Variants in ACYP2 observed in about 807,000 individuals in gnomAD.
The protein encoded by ACYP2 is acylphosphatase-2.
A neutral mutation model predicts 11.2 loss-of-function variants in ACYP2; 12 were observed. That is an observed-to-expected ratio of 1.08 (90% CI 0.69 to 1.74). ACYP2 has a LOEUF of 1.74. Among genes scored for constraint, ACYP2 ranks in the 40% most tolerant of loss-of-function variants. The probability of loss-of-function intolerance (pLI) is 0.00; values close to 1 mark genes in which losing one functional copy is unlikely to be tolerated. For missense variants in ACYP2, 134 were observed against 101.9 expected (o/e 1.31, Z -1.35); for synonymous variants, 43 against 32.2 (o/e 1.33, Z -1.13).
At chr2:54,180,823 G>C (rs1025343551) in intron 6 of ACYP2, among the ~76,000 whole-genome samples, 5 of 152,114 alleles carry the variant, frequency 3.3e-5, no homozygotes, top group African/African-American at 9.7e-5. Flanking sequence ...CGAAAATTCT[G>C]AGATTTCAGG....
intron 4 of ACYP2, among the ~76,000 whole-genome samples, chr2:54,123,652 A>G (rs1439675358): frequency 6.6e-6 from 1 of 151,852 alleles, no homozygotes; most frequent in Non-Finnish European, 1.5e-5. Context: ...ATCCCCTGGC[A>G]TGTTAAAGTG....
intron 4 of ACYP2, among the ~76,000 whole-genome samples, chr2:54,103,395 G>A (rs1679002626): frequency 6.6e-6 from 1 of 152,108 alleles, no homozygotes; most frequent in Non-Finnish European, 1.5e-5. Context: ...TGCTTTTAAG[G>A]TGTTCCTAAC....
At chr2:54,186,271 A>G (rs1374038072) in intron 6 of ACYP2, among the ~76,000 whole-genome samples, 1 of 152,206 alleles carries the variant, frequency 6.6e-6, no homozygotes, top group Non-Finnish European at 1.5e-5. Context: ...CAAGAGGAGA[A>G]AAAAAGAATA....
At chr2:54,101,802 G>A (rs900794666) in intron 4 of ACYP2, among the ~76,000 whole-genome samples, 2 of 152,044 alleles carry the variant, frequency 1.3e-5, no homozygotes, top group Middle Eastern at 3.4e-3. Context: ...TTAGCTTAAC[G>A]GAAAAATGAA....
chr2:54,054,890 ATAAAT>A (rs1299371339), intron 3 of ACYP2, among the ~76,000 whole-genome samples: 1 of 152,264 alleles, frequency 6.6e-6, no homozygotes, highest in African/African-American at 2.4e-5. Context: ...GCCAGGCTAA[ATAAAT>A]TAGGGAGATT....
chr2:54,266,725 C>T (rs1404008701), intron 6 of ACYP2, among the ~76,000 whole-genome samples: 3 of 149,940 alleles, frequency 2.0e-5, no homozygotes, highest in African/African-American at 7.4e-5. Context: ...CCTGCCTCAG[C>T]CTCCCAAGTA....
At chr2:54,271,869 A>G (rs1233461282) in intron 6 of ACYP2, among the ~76,000 whole-genome samples, 1 of 152,122 alleles carries the variant, frequency 6.6e-6, no homozygotes, top group Admixed American at 6.6e-5. Flanking sequence ...ATAGGCTAAT[A>G]AGCAAATTTC....
intron 2 of ACYP2, among the ~76,000 whole-genome samples, chr2:53,994,615 C>T (rs1672479252): frequency 6.6e-6 from 1 of 151,714 alleles, no homozygotes; most frequent in South Asian, 2.1e-4. Context: ...AATGCTTCAA[C>T]CTCTACCAAG....
rs549187908 is a variant in ACYP2 at position 54,193,861 on chromosome 2, G to A, written c.404+55113G>A. Among the ~76,000 whole-genome samples the A allele has an allele frequency of 3.3e-5, 5 of 151,944 alleles. No individual in the cohort carries two copies. The South Asian group carries it at 6.2e-4, about 19-fold the overall frequency. ...AGAAAGTAATTGGCATAATGAGTTG[G>A]GAAAAAATAGAAACACTCTCATTTA... On this transcript the variant is annotated intron_variant, in intron 6 of 6. Coordinates refer to ENST00000607452, the MANE Select transcript of ACYP2 (RefSeq NM_001320586.2).
intron 6 of ACYP2, among the ~76,000 whole-genome samples, chr2:54,172,466 T>C (rs924921804): frequency 6.6e-6 from 1 of 152,216 alleles, no homozygotes; most frequent in African/African-American, 2.4e-5. Context: ...ATGTCAATCA[T>C]GTTGACCAAT....
rs1671292396 is a variant in ACYP2, at chr2:53,973,704, C to G, written c.-36-9C>G. On this transcript the variant is annotated splice_polypyrimidine_tract_variant and intron_variant, in intron 1 of 6. Coordinates refer to ENST00000607452, the MANE Select transcript of ACYP2 (RefSeq NM_001320586.2). ...TAATCCCAACACCCTTTGCTGACTC[C>G]TTTTTCAGACTCAGCCTGCCTGCAC... is the stretch of plus-strand genomic sequence containing the variant. 3.5e-6 allele frequency: 1 copy of G among 283,952 alleles called. No homozygotes were observed. Among genetic ancestry groups the G allele is most frequent in the African/African-American group, 2.2e-5 (1 of 45,040 alleles). The allele number at this position is 283,952 out of a possible 1,614,324, so 17.6% of individuals were successfully genotyped here.
intron 2 of ACYP2, among the ~76,000 whole-genome samples, chr2:54,009,589 TAATA>T (rs1673255493): frequency 6.6e-6 from 1 of 151,842 alleles, no homozygotes; most frequent in Non-Finnish European, 1.5e-5. Flanking sequence ...ATAATAATAA[TAATA>T]AATTCCTGAG....
At chr2:54,010,755 T>C (rs932362280) in intron 2 of ACYP2, among the ~76,000 whole-genome samples, 3 of 137,682 alleles carry the variant, frequency 2.2e-5, no homozygotes, top group African/African-American at 7.9e-5. Context: ...TTTTTTTTTT[T>C]TTTTTTTTTT....
chr2:53,987,835 G>A (rs1433339450), intron 2 of ACYP2, among the ~76,000 whole-genome samples: 1 of 152,032 alleles, frequency 6.6e-6, no homozygotes, highest in Non-Finnish European at 1.5e-5. Flanking sequence ...TGGATTGCTT[G>A]TGGGTTTTTT....
At chr2:54,288,417 A>G (rs1051934240) in intron 6 of ACYP2, among the ~76,000 whole-genome samples, 17 of 151,958 alleles carry the variant, frequency 1.1e-4, no homozygotes, top group Admixed American at 3.3e-4. Flanking sequence ...CCATTTCTTC[A>G]GTGCTTCCTG....
At chr2:54,012,773 C>T (rs1310385544) in intron 2 of ACYP2, among the ~76,000 whole-genome samples, 2 of 152,178 alleles carry the variant, frequency 1.3e-5, no homozygotes, top group African/African-American at 4.8e-5. Context: ...TCCTCTTTCT[C>T]AACTAGCAGC....
intron 6 of ACYP2, among the ~76,000 whole-genome samples, chr2:54,199,897 T>C (rs1173134026): frequency 6.6e-6 from 1 of 152,212 alleles, no homozygotes; most frequent in Admixed American, 6.5e-5. Context: ...TTCTGTATCT[T>C]ACTATTCTCT....
intron 6 of ACYP2, chr2:54,255,123 G>A (rs1687429999): frequency 6.2e-7 from 1 of 1,614,056 alleles, no homozygotes; most frequent in African/African-American, 1.3e-5. Context: ...TGACATGTCG[G>A]TTCCTATGAA....
chr2:54,251,656 T>C (rs1274260799), intron 6 of ACYP2, among the ~76,000 whole-genome samples: 1 of 152,218 alleles, frequency 6.6e-6, no homozygotes, highest in African/African-American at 2.4e-5. Context: ...GCAAAGGCAC[T>C]GACTGCGTGT....
Sources: allele counts gnomAD v4.1 joint callset (sites outside exome capture counted in the v4.1 genomes callset), GRCh38; gene constraint gnomAD v4.1.1; transcripts MANE v1.5; gene names NCBI Gene and HGNC (gene_info 2026-07-23, HGNC 2026-07-21).